TTC34: variants seen among roughly 807,000 people sequenced by gnomAD.
TTC34 encodes tetratricopeptide repeat domain 34.
Under a neutral mutation model 40.7 loss-of-function variants are expected in TTC34, and 44 were observed. The observed-to-expected ratio is 1.08, with a 90% CI of 0.85 to 1.39. The LOEUF is 1.39. Ranked by LOEUF, TTC34 falls within the 40% of genes most tolerant of loss-of-function variation. The probability of loss-of-function intolerance (pLI) is 0.00; values close to 1 mark genes in which losing one functional copy is unlikely to be tolerated. For synonymous variants in TTC34, 422 were observed against 398.6 expected, an observed-to-expected ratio of 1.06 and a Z score of -0.70; for missense variants, 884 against 838.0, an observed-to-expected ratio of 1.05 and a Z score of -0.68.
chr1:2,788,265 T>G (rs1224413440), intron 3 of TTC34, among the ~76,000 whole-genome samples: 1 of 152,172 alleles, frequency 6.6e-6, no homozygotes, highest in Non-Finnish European at 1.5e-5. Context: ...GTGTGTTTTG[T>G]GTGCGTTATG....
At chr1:2,687,393 AC>A (rs1557613015) in intron 6 of TTC34, among the ~76,000 whole-genome samples, 3 of 57,130 alleles carry the variant, frequency 5.3e-5, no homozygotes, top group African/African-American at 1.9e-4. Context: ...ACAGCCTGGA[AC>A]GGCACCCACA....
At chr1:2,751,042 C>CT in intron 6 of TTC34, among the ~76,000 whole-genome samples, 1 of 121,790 alleles carries the variant, frequency 8.2e-6, no homozygotes, top group East Asian at 2.8e-4. Context: ...GAACAGAACC[C>CT]ACACCCCCAG....
intron 6 of TTC34, among the ~76,000 whole-genome samples, chr1:2,683,336 G>C (rs1477880091): frequency 2.7e-5 from 4 of 147,754 alleles, no homozygotes; most frequent in South Asian, 2.2e-4. Flanking sequence ...TGACAGACTG[G>C]AACACCACCC....
At chr1:2,682,131 G>A (rs1228656708) in intron 6 of TTC34, among the ~76,000 whole-genome samples, 405 of 141,196 alleles carry the variant, frequency 2.9e-3, no homozygotes, top group Non-Finnish European at 4.6e-3. Flanking sequence ...CTGACAGCCT[G>A]GAACAGCACC....
At chr1:2,748,987 G>C (rs1641232121) in intron 6 of TTC34, among the ~76,000 whole-genome samples, 1 of 94,930 alleles carries the variant, frequency 1.1e-5, no homozygotes, top group African/African-American at 4.5e-5. Flanking sequence ...TGACGGCCTG[G>C]AACAGCACCC....
rs1166907689 is a variant in TTC34, at chr1:2,785,240, G to C, written c.2059+579C>G. ...GAGGAGGATGAGGGGTGCTTACTAA[G>C]TGCATGGCCGGGTTCCACGTGGCAG... is the stretch of plus-strand genomic sequence containing the variant. On this transcript the variant is annotated intron_variant, in intron 5 of 8. Coordinates refer to ENST00000401095, the Ensembl canonical transcript of TTC34. Among the ~76,000 whole-genome samples the C allele has an allele frequency of 3.9e-5, 6 of 152,168 alleles. No homozygotes were observed. In the South Asian group the frequency reaches 1.2e-3, roughly 32 times the overall value.
At chr1:2,768,511 G>C (rs1487584097) in intron 6 of TTC34, among the ~76,000 whole-genome samples, 1 of 150,764 alleles carries the variant, frequency 6.6e-6, no homozygotes, top group Non-Finnish European at 1.5e-5. Context: ...TCAGGTGAGT[G>C]TCTGACAGCC....
chr1:2,649,589 A>G (rs2100208908), intron 6 of TTC34, among the ~76,000 whole-genome samples: 1 of 152,152 alleles, frequency 6.6e-6, no homozygotes, highest in African/African-American at 2.4e-5. Context: ...CGCCCAGGCT[A>G]CAGGCCAGTG....
chr1:2,647,432 G>A (rs1639040927), intron 6 of TTC34, among the ~76,000 whole-genome samples: 1 of 152,104 alleles, frequency 6.6e-6, no homozygotes, highest in African/African-American at 2.4e-5. Context: ...AGACCATCCT[G>A]GCCAACATGG....
At chr1:2,699,421 G>T (rs1398179586) in intron 6 of TTC34, among the ~76,000 whole-genome samples, 2 of 94,652 alleles carry the variant, frequency 2.1e-5, no homozygotes, top group East Asian at 7.3e-4. Context: ...ACCCCAAGGT[G>T]AGTATCTGAC....
chr1:2,755,210 A>G (rs1352078874), intron 6 of TTC34, among the ~76,000 whole-genome samples: 1 of 49,810 alleles, frequency 2.0e-5, no homozygotes, highest in African/African-American at 2.1e-4. Context: ...AGCCTGGAGC[A>G]GCACCTCACA....
At chr1:2,683,648 T>G (rs535034312) in intron 6 of TTC34, among the ~76,000 whole-genome samples, 483 of 43,328 alleles carry the variant, frequency 0.011, 16 homozygotes, top group Non-Finnish European at 0.02. Context: ...GGTGAGCATC[T>G]GACAGCCTGG....
rs1288599397 is a variant in TTC34, at chr1:2,751,186, C to T, written c.2226+32423G>A. On this transcript the variant is annotated intron_variant, in intron 6 of 8. Coordinates refer to ENST00000401095, the Ensembl canonical transcript of TTC34. ...CGCACATCCCCAGGCGAGCATCCGA[C>T]AGCCTGGAGCAGCACCCACACCCTC... 3.3e-5 allele frequency among the ~76,000 whole-genome samples: 2 copies of T among 60,316 alleles called. 1 individual carries two copies. The highest frequency in any genetic ancestry group is 1.7e-3 in the East Asian group (2 of 1,156). 39.6% of individuals were successfully genotyped at this position (60,316 alleles called of 152,430 possible). A position where few individuals can be genotyped will look rare whatever the true frequency, so the allele number is the denominator to read the frequency against.
chr1:2,780,464 G>A (rs1165360288), intron 6 of TTC34, among the ~76,000 whole-genome samples: 1 of 152,156 alleles, frequency 6.6e-6, no homozygotes, highest in Non-Finnish European at 1.5e-5. Flanking sequence ...TGTAGTGTTA[G>A]GAAAGAGTCC....
intron 1 of TTC34, among the ~76,000 whole-genome samples, chr1:2,801,164 C>A (rs1225942690): frequency 6.6e-6 from 1 of 152,156 alleles, no homozygotes; most frequent in African/African-American, 2.4e-5. Context: ...CCCTGAGTGT[C>A]CATGTCGGGA....
At chr1:2,644,394 A>G (rs1638975857) in exon 8 of TTC34, 1 of 1,535,994 alleles carries the variant, frequency 6.5e-7, no homozygotes, top group African/African-American at 1.4e-5. Flanking sequence ...GAGCTGGAGC[A>G]GGCCCAGCCG....
At chr1:2,773,345 TGAGCA>T (rs1642627704) in intron 6 of TTC34, among the ~76,000 whole-genome samples, 1 of 59,398 alleles carries the variant, frequency 1.7e-5, no homozygotes, top group African/African-American at 5.7e-5. Flanking sequence ...CACCCCCAGG[TGAGCA>T]TCTGGCAGCC....
exon 5 of TTC34, chr1:2,785,847 G>A (rs1166645699): frequency 1.3e-6 from 2 of 1,544,448 alleles, no homozygotes; most frequent in African/African-American, 2.8e-5. Flanking sequence ...GAGACAGGTA[G>A]GCGATGGCCT....
chr1:2,643,049 C>G (rs1411236837), intron 8 of TTC34, among the ~76,000 whole-genome samples: 8 of 152,316 alleles, frequency 5.3e-5, no homozygotes, highest in Non-Finnish European at 1.2e-4. Flanking sequence ...TCGGCCCGCG[C>G]AGGACCCGCA....
Sources: gnomAD v4.1 joint callset for allele counts (sites outside exome capture counted in the v4.1 genomes callset) on GRCh38, gnomAD v4.1.1 for gene constraint, MANE v1.5 for transcripts, NCBI Gene and HGNC (gene_info 2026-07-23, HGNC 2026-07-21) for gene names.